Variants in F3 observed in about 807,000 individuals in gnomAD.
F3 encodes the protein tissue factor.
F3 carries 18 observed loss-of-function variants against 33.5 expected under a neutral mutation model. The observed-to-expected ratio is 0.54, with a 90% CI of 0.37 to 0.80. The LOEUF (loss-of-function observed/expected upper bound fraction) is 0.80. Ranked by LOEUF, F3 falls within the 30% of genes least tolerant of loss-of-function variation. F3 has a pLI of 0.00. For missense variants in F3, 353 were observed against 362.1 expected (o/e 0.97, Z 0.20); for synonymous variants, 147 against 140.7 (o/e 1.05, Z -0.32).
rs1054324963 is a variant in F3 at position 94,529,685 on chromosome 1, T to C, written c.*775A>G. On this transcript the variant is annotated 3_prime_UTR_variant, in exon 6 of 6. Coordinates refer to ENST00000334047, the MANE Select transcript of F3 (RefSeq NM_001993.5). ...TGTATTCCTGAAAAAAAAAAGAACCTAAACACTATATTATAGACATATGTT... is the reference window on the plus strand; with the variant it reads ...TGTATTCCTGAAAAAAAAAAGAACCCAAACACTATATTATAGACATATGTT... 2 of 152,384 alleles carry C rather than the reference T, an allele frequency of 1.3e-5. No individual in the cohort carries two copies. The highest frequency in any genetic ancestry group is 4.8e-5 in the African/African-American group (2 of 41,414). 9.4% of individuals were successfully genotyped at this position (152,384 alleles called of 1,614,324 possible). A position where few individuals can be genotyped will look rare whatever the true frequency, so the allele number is the denominator to read the frequency against.
chr1:94,532,624 G>A (rs915983478), intron 4 of F3, 144 bp from the exon 5 acceptor site: 29 of 866,890 alleles, frequency 3.3e-5, no homozygotes, highest in African/African-American at 8.5e-5. Context: ...AAGTGACTTC[G>A]CTAATCAGTT....
intron 4 of F3, 49 bp downstream of exon 4, chr1:94,533,041 G>A: frequency 1.9e-6 from 3 of 1,563,422 alleles, no homozygotes; most frequent in African/African-American, 2.8e-5. Flanking sequence ...TAAAACCCAA[G>A]TATTCACAAT....
At chr1:94,533,899 C>T (rs1258033903) in intron 3 of F3, among the ~76,000 whole-genome samples, 1 of 151,410 alleles carries the variant, frequency 6.6e-6, no homozygotes, top group African/African-American at 2.4e-5. Context: ...CAGAGTCTCG[C>T]TCTGTCACCC....
chr1:94,530,964 C>T (rs758876048), intron 5 of F3, among the ~76,000 whole-genome samples: 1 of 152,108 alleles, frequency 6.6e-6, no homozygotes, highest in Non-Finnish European at 1.5e-5. Context: ...CAAAGTGCTA[C>T]CAGGATTTGG....
At chr1:94,532,170 C>T (rs1249148088) in intron 5 of F3, 151 bp downstream of exon 5, 6 of 812,280 alleles carry the variant, frequency 7.4e-6, no homozygotes, top group Non-Finnish European at 9.5e-6. Flanking sequence ...AAAACCAAAA[C>T]AAACAAATAA....
chr1:94,530,221 T>C lies in F3; in HGVS notation c.*239A>G, dbSNP rs1468650460. 4.6e-6 allele frequency: 2 copies of C among 432,360 alleles called. No individual in the cohort carries two copies. The highest frequency in any genetic ancestry group is 8.2e-6 in the Non-Finnish European group (2 of 242,962). 26.8% of individuals were successfully genotyped at this position (432,360 alleles called of 1,614,324 possible). A position where few individuals can be genotyped will look rare whatever the true frequency, so the allele number is the denominator to read the frequency against. ...AGCATGTTATGTGCAAAAGGTGCCA[T>C]GGTGTTAAAAATTAAAACTTGGAAT... is the stretch of plus-strand genomic sequence containing the variant. On this transcript the variant is annotated 3_prime_UTR_variant, in exon 6 of 6. Transcript: ENST00000334047.
At chr1:94,539,291 C>G (rs1651701746) in intron 2 of F3, among the ~76,000 whole-genome samples, 1 of 152,070 alleles carries the variant, frequency 6.6e-6, no homozygotes, top group Admixed American at 6.5e-5. Flanking sequence ...CATGCAAGTT[C>G]TCCTTGCTGG....
intron 5 of F3, among the ~76,000 whole-genome samples, chr1:94,531,133 G>C (rs956569973): frequency 5.3e-5 from 8 of 152,162 alleles, no homozygotes; most frequent in African/African-American, 1.7e-4. Flanking sequence ...TTAGGACAAT[G>C]ACTGAAGGCT....
Position 94,540,279 on chromosome 1 carries a change from G to C in F3, c.190C>G (p.Gln64Glu). The C allele has an allele frequency of 6.2e-7, 1 of 1,612,826 alleles. No individual in the cohort carries two copies. The highest frequency in any genetic ancestry group is 8.5e-7 in the Non-Finnish European group (1 of 1,178,962). Residue 64 changes from glutamine to glutamate, a missense_variant, in exon 2 of 6, where the codon CAA becomes GAA. Transcript: ENST00000334047. ...TACCTTATTTGAACAGTGTAGACTT[G>C]ATTGACGGGTTTGGGTTCCCACTCC... is the stretch of plus-strand genomic sequence containing the variant. ...ILEWEPKPVNQVYTVQISTKS... is the reference protein window; with the variant it reads ...ILEWEPKPVNEVYTVQISTKS...
intron 5 of F3, among the ~76,000 whole-genome samples, chr1:94,531,093 A>G (rs1651408746): frequency 6.6e-6 from 1 of 152,274 alleles, no homozygotes; most frequent in Admixed American, 6.5e-5. Flanking sequence ...GTGTGCACAA[A>G]AGGAGAGGCA....
At chr1:94,536,254 G>T in intron 2 of F3, 90 bp from the exon 3 acceptor site, 1 of 1,153,082 alleles carries the variant, frequency 8.7e-7, no homozygotes, top group Non-Finnish European at 1.3e-6. Flanking sequence ...GGTGTTCTGT[G>T]CTAACATCAG....
rs943252116 is a variant in F3, at chr1:94,529,869, T to G, written c.*591A>C. ...TGGGTGGATCACCTGAGGTCAGGAATTCAAGACCAGCCTGGCCAAGATGGT... is the reference window on the plus strand; with the variant it reads ...TGGGTGGATCACCTGAGGTCAGGAAGTCAAGACCAGCCTGGCCAAGATGGT... On this transcript the variant is annotated 3_prime_UTR_variant, in exon 6 of 6. Transcript: ENST00000334047. The G allele has an allele frequency of 6.6e-6, 1 of 152,068 alleles. No homozygotes were observed. The highest frequency in any genetic ancestry group is 1.5e-5 in the Non-Finnish European group (1 of 68,070). The allele number at this position is 152,068 out of a possible 1,614,324, so 9.4% of individuals were successfully genotyped here.
intron 3 of F3, among the ~76,000 whole-genome samples, chr1:94,534,781 C>T (rs1651548837): frequency 6.6e-6 from 1 of 152,018 alleles, no homozygotes; most frequent in Admixed American, 6.5e-5. Flanking sequence ...ACATGCAAAA[C>T]AAACACATAA....
At chr1:94,533,333 G>A (rs1651491248) in intron 3 of F3, 65 bp from the exon 4 acceptor site, 2 of 1,552,588 alleles carry the variant, frequency 1.3e-6, no homozygotes, top group Non-Finnish European at 1.7e-6. Flanking sequence ...ATCCTGTTTT[G>A]TTATCACAAT....
intron 3 of F3, among the ~76,000 whole-genome samples, chr1:94,533,758 A>C (rs1438532338): frequency 6.6e-6 from 1 of 151,970 alleles, no homozygotes; most frequent in Non-Finnish European, 1.5e-5. Flanking sequence ...GAGGATGAAC[A>C]CCTTTATGAT....
At chr1:94,535,658 A>G (rs1358777350) in intron 3 of F3, among the ~76,000 whole-genome samples, 2 of 151,956 alleles carry the variant, frequency 1.3e-5, no homozygotes, top group Admixed American at 1.3e-4. Flanking sequence ...TGGATTTCCT[A>G]TCCCTACCCG....
chr1:94,541,426 G>C (rs1651773927), intron 1 of F3, 111 bp downstream of exon 1: 1 of 831,122 alleles, frequency 1.2e-6, no homozygotes, highest in Non-Finnish European at 1.7e-6. Flanking sequence ...GTAGGCGCGG[G>C]GGACAACATG....
chr1:94,536,042 G>A lies in F3; in HGVS notation c.335C>T (p.Ala112Val). The A allele has an allele frequency of 6.2e-7, 1 of 1,614,164 alleles. No individual in the cohort carries two copies. Among genetic ancestry groups the A allele is most frequent in the Non-Finnish European group, 8.5e-7 (1 of 1,180,026 alleles). ...TYLARVFSYPAGNVESTGSAG... is the reference protein window; with the variant it reads ...TYLARVFSYPVGNVESTGSAG... Reference sequence around the variant, plus strand: ...AGAACCGGTGCTCTCCACATTCCCTGCCGGGTAGGAGAAGACCCGTGCCAA... The same window carrying A: ...AGAACCGGTGCTCTCCACATTCCCTACCGGGTAGGAGAAGACCCGTGCCAA... Residue 112 changes from alanine (A) to valine (V), a missense_variant, in exon 3 of 6, where the codon GCA (alanine) becomes GTA (valine). Coordinates refer to ENST00000334047, the MANE Select transcript of F3 (RefSeq NM_001993.5).
At chr1:94,533,950 T>C (rs111616300) in intron 3 of F3, among the ~76,000 whole-genome samples, 134 of 152,102 alleles carry the variant, frequency 8.8e-4, no homozygotes, top group African/African-American at 3.2e-3. Flanking sequence ...CACTGCAACC[T>C]CCTCCACCTG....
Sources: gnomAD v4.1 joint callset for allele counts (sites outside exome capture counted in the v4.1 genomes callset) on GRCh38, gnomAD v4.1.1 for gene constraint, MANE v1.5 for transcripts, NCBI Gene and HGNC (gene_info 2026-07-23, HGNC 2026-07-21) for gene names.